PACS2: variants seen among roughly 807,000 people sequenced by gnomAD.
PACS2 encodes the protein phosphofurin acidic cluster sorting protein 2, also known as PACS1-like protein.
Under a neutral mutation model 113.0 loss-of-function variants are expected in PACS2, and 36 were observed. That is an observed-to-expected ratio of 0.32 (90% CI 0.24 to 0.42). The LOEUF is 0.42. Ranked by LOEUF, PACS2 falls within the 10% of genes least tolerant of loss-of-function variation. The pLI, the probability that PACS2 is intolerant of heterozygous loss-of-function variation, is 1.00. For missense variants in PACS2, 1,015 were observed against 1,239.5 expected (o/e 0.82, Z 2.72); for synonymous variants, 589 against 536.1 (o/e 1.10, Z -1.36).
Position 105,348,387 on chromosome 14 carries a change from C to T in PACS2, c.120-106C>T. 1.2e-6 allele frequency: 1 copy of T among 801,634 alleles called. No homozygotes were observed. Among genetic ancestry groups the T allele is most frequent in the East Asian group, 2.6e-5 (1 of 38,908 alleles). The allele number at this position is 801,634 out of a possible 1,614,324, so 49.7% of individuals were successfully genotyped here. A position where few individuals can be genotyped will look rare whatever the true frequency, so the allele number is the denominator to read the frequency against. ...GCCCAGGCAGTCACACCCCGCCCTG[C>T]ACCCCAGGGTGCAGGCTCCCGGGGT... On this transcript the variant is annotated intron_variant, in intron 1 of 24. Transcript: ENST00000447393. This position sits in a 1 kb window ranked among gnomAD's most constrained non-coding sequence, Gnocchi z 6.4.
intron 7 of PACS2, among the ~76,000 whole-genome samples, chr14:105,368,923 C>T (rs1404206468): frequency 2.0e-5 from 3 of 152,250 alleles, no homozygotes; most frequent in Admixed American, 6.5e-5. Context: ...CTACCTACCT[C>T]CACGGTCCCC....
At chr14:105,312,464 G>A (rs1264011918), upstream of PACS2, among the ~76,000 whole-genome samples, 2 of 152,216 alleles carry the variant, frequency 1.3e-5, no homozygotes, top group African/African-American at 4.8e-5. Context: ...ACCGTGCCCA[G>A]CCACCCCAGT....
intron 22 of PACS2, chr14:105,392,040 TG>T (rs1328983261): frequency 3.0e-5 from 15 of 492,220 alleles, no homozygotes; most frequent in South Asian, 1.8e-4. Context: ...TGTACACAGT[TG>T]GGGCTTTTAA....
At chr14:105,392,195 G>T (rs1338697532) in intron 22 of PACS2, 2 of 318,510 alleles carry the variant, frequency 6.3e-6, no homozygotes, top group Non-Finnish European at 1.2e-5. Context: ...CTAAGCCATG[G>T]GGGGTTGTGG....
intron 1 of PACS2, among the ~76,000 whole-genome samples, chr14:105,328,412 G>A (rs2059197494): frequency 6.6e-6 from 1 of 152,202 alleles, no homozygotes; most frequent in Non-Finnish European, 1.5e-5. Context: ...TCTCAGGAGA[G>A]GAGGGAGCTC....
rs1051483217 is a variant in PACS2, at chr14:105,356,103, C to A, written c.423+926C>A. ...CCAGCCCCTCTTCTTCCCACTTTGT[C>A]CCCCTGCTCCTGGGGCTTGGGGCTG... On this transcript the variant is annotated intron_variant, in intron 4 of 24. Transcript: ENST00000447393. This position sits in a 1 kb window ranked among gnomAD's most constrained non-coding sequence, Gnocchi z 4.0. Among the ~76,000 whole-genome samples, 12 of 152,136 alleles carry A rather than the reference C, an allele frequency of 7.9e-5. 1 individual carries two copies. Among genetic ancestry groups the A allele is most frequent in the Non-Finnish European group, 1.5e-5 (1 of 68,004 alleles).
intron 18 of PACS2, among the ~76,000 whole-genome samples, chr14:105,385,389 C>G (rs76294251): frequency 2.0e-5 from 3 of 152,172 alleles, no homozygotes; most frequent in Non-Finnish European, 2.9e-5. Flanking sequence ...GTGATCAGCT[C>G]GTGTCCTCAC....
intron 1 of PACS2, chr14:105,336,803 G>C (rs193275160): frequency 6.6e-6 from 1 of 152,224 alleles, no homozygotes; most frequent in East Asian, 1.9e-4. Flanking sequence ...CAGCTGTTGC[G>C]GGGAACAGGA....
chr14:105,381,719 C>T (rs142852969), intron 12 of PACS2, among the ~76,000 whole-genome samples, 195 bp from the exon 13 acceptor site: 180 of 152,374 alleles, frequency 1.2e-3, no homozygotes, highest in African/African-American at 4.0e-3. Flanking sequence ...CACTTGTACT[C>T]AGCTGCTGCT....
At chr14:105,327,193 C>T (rs1018108111) in intron 1 of PACS2, among the ~76,000 whole-genome samples, 17 of 152,200 alleles carry the variant, frequency 1.1e-4, no homozygotes, top group African/African-American at 3.4e-4. Context: ...GGGAGGCCGG[C>T]GTGCCTGACC....
At chr14:105,370,009 C>T (rs936636267) in intron 8 of PACS2, 109 bp downstream of exon 8, 312 of 952,872 alleles carry the variant, frequency 3.3e-4, no homozygotes, top group Non-Finnish European at 4.6e-4. Context: ...TGCCGCTCAC[C>T]GTCTGCACGG....
At position 105,367,199 on chromosome 14, in the gene PACS2, C is replaced by T. The variant is rs782210537; in HGVS notation, c.424-14C>T. The T allele has an allele frequency of 1.2e-6, 2 of 1,611,604 alleles. No individual in the cohort carries two copies. Among genetic ancestry groups the T allele is most frequent in the Non-Finnish European group, 1.7e-6 (2 of 1,178,986 alleles). ...CGTCGTGCTGCTTTCTAGAACCGTG[C>T]CCCTGGCCTGCAGGTGATGCAACAC... On this transcript the variant is annotated splice_polypyrimidine_tract_variant and intron_variant, in intron 4 of 24. Coordinates refer to ENST00000447393, the MANE Select transcript of PACS2 (RefSeq NM_001100913.3).
Position 105,340,996 on chromosome 14 carries a change from C to T in PACS2, c.120-7497C>T, listed in dbSNP as rs1056509176. Among the ~76,000 whole-genome samples the T allele has an allele frequency of 3.9e-5, 6 of 152,232 alleles. No individual in the cohort carries two copies. Among genetic ancestry groups the T allele is most frequent in the Non-Finnish European group, 7.3e-5 (5 of 68,034 alleles). ...AGGCTCGCTACCAAGGGGTGGGGGG[C>T]TGGAGAACGGAGCTTGGAGACAGCT... On this transcript the variant is annotated intron_variant, in intron 1 of 24. Coordinates refer to ENST00000447393, the MANE Select transcript of PACS2 (RefSeq NM_001100913.3). This position sits in a 1 kb window ranked among gnomAD's most constrained non-coding sequence, Gnocchi z 4.2.
At chr14:105,370,090 C>T (rs2061095888) in intron 8 of PACS2, 190 bp downstream of exon 8, 1 of 568,834 alleles carries the variant, frequency 1.8e-6, no homozygotes, top group African/African-American at 1.9e-5. Flanking sequence ...AGGTCACCCG[C>T]TGGGTCTCTG....
At chr14:105,337,667 C>T (rs2059577220) in intron 1 of PACS2, among the ~76,000 whole-genome samples, 1 of 152,174 alleles carries the variant, frequency 6.6e-6, no homozygotes, top group African/African-American at 2.4e-5. Flanking sequence ...TTTTGGGTTC[C>T]TGTTCAAAAT....
At chr14:105,380,756 C>T (rs1301940700) in intron 11 of PACS2, among the ~76,000 whole-genome samples, 1 of 152,222 alleles carries the variant, frequency 6.6e-6, no homozygotes, top group Non-Finnish European at 1.5e-5. Flanking sequence ...GGCTGGTCAC[C>T]CTGCATGGCC....
chr14:105,312,368 G>C (rs922618813), upstream of PACS2, among the ~76,000 whole-genome samples: 1 of 152,172 alleles, frequency 6.6e-6, no homozygotes. Flanking sequence ...CGGGGACCCC[G>C]GGCAGCACGT....
intron 24 of PACS2, 117 bp downstream of exon 24, chr14:105,393,452 G>C (rs1167521371): frequency 1.6e-6 from 1 of 617,714 alleles, no homozygotes; most frequent in East Asian, 2.9e-5. Flanking sequence ...CACATTCCAC[G>C]ATTCAAGGTG....
At chr14:105,383,669 T>C in intron 16 of PACS2, 156 bp downstream of exon 16, 1 of 611,194 alleles carries the variant, frequency 1.6e-6, no homozygotes, top group Non-Finnish European at 2.8e-6. Context: ...GTGTCCCTGC[T>C]TGCTACACAT....
Sources: allele counts gnomAD v4.1 joint callset (sites outside exome capture counted in the v4.1 genomes callset), GRCh38; gene constraint gnomAD v4.1.1; non-coding constraint Gnocchi (gnomAD v3.1); transcripts MANE v1.5; gene names NCBI Gene and HGNC (gene_info 2026-07-23, HGNC 2026-07-21).